Variants in FBXW11 observed in about 807,000 individuals in gnomAD.
FBXW11 encodes F-box/WD repeat-containing protein 11.
In FBXW11, 19 loss-of-function variants were observed where a neutral mutation model predicts 77.6. That is an observed-to-expected ratio of 0.24 (90% CI 0.17 to 0.36). FBXW11 has a LOEUF of 0.36. Ranked by LOEUF, FBXW11 falls within the 10% of genes least tolerant of loss-of-function variation. The pLI, the probability that FBXW11 is intolerant of heterozygous loss-of-function variation, is 1.00. For synonymous variants in FBXW11, 235 were observed against 249.4 expected, an observed-to-expected ratio of 0.94 and a Z score of 0.54; for missense variants, 334 against 704.2, an observed-to-expected ratio of 0.47 and a Z score of 5.95.
chr5:171,922,451 C>G (rs1257941893), intron 2 of FBXW11, among the ~76,000 whole-genome samples: 10 of 152,118 alleles, frequency 6.6e-5, no homozygotes, highest in Non-Finnish European at 1.3e-4. Flanking sequence ...ACTAGAAAGC[C>G]AGAAGTATTC....
chr5:171,982,434 C>A (rs1765200491), intron 1 of FBXW11, among the ~76,000 whole-genome samples: 6 of 152,100 alleles, frequency 3.9e-5, no homozygotes, highest in Admixed American at 3.3e-4. Flanking sequence ...GCACCACCAC[C>A]CAGCTAATTT....
At position 171,869,075 on chromosome 5, in the gene FBXW11, C is replaced by T. The variant is rs1341828761; in HGVS notation, c.1531-279G>A. ...GGCCTTATAAAAGTAAACAACAATA[C>T]ATAATACCCATTCTTGATACACTCT... is the stretch of plus-strand genomic sequence containing the variant. On this transcript the variant is annotated intron_variant, in intron 12 of 13. Coordinates refer to ENST00000517395, the MANE Select transcript of FBXW11 (RefSeq NM_001378974.1). This position sits in a 1 kb window ranked among gnomAD's most constrained non-coding sequence, Gnocchi z 4.1. Among the ~76,000 whole-genome samples, 1 of 152,140 alleles carries T rather than the reference C, an allele frequency of 6.6e-6. No homozygotes were observed. Among genetic ancestry groups the T allele is most frequent in the Non-Finnish European group, 1.5e-5 (1 of 68,016 alleles).
intron 1 of FBXW11, among the ~76,000 whole-genome samples, chr5:171,983,201 C>CA (rs1009523655): frequency 3.3e-5 from 5 of 151,902 alleles, no homozygotes; most frequent in African/African-American, 7.3e-5. Context: ...CAAAACAAAA[C>CA]AAAAAAACCA....
intron 1 of FBXW11, among the ~76,000 whole-genome samples, chr5:171,974,523 A>G (rs1238442686): frequency 2.6e-5 from 4 of 152,052 alleles, no homozygotes; most frequent in South Asian, 2.1e-4. Flanking sequence ...TTAATTGCTT[A>G]TAAGTTTCCC....
rs182906305 is a variant in FBXW11, at chr5:171,906,019, A to G, written c.436+4553T>C. Among the ~76,000 whole-genome samples the G allele has an allele frequency of 2.6e-3, 389 of 152,350 alleles. 2 individuals are homozygous for G. The highest frequency in any genetic ancestry group is 5.8e-3 in the Admixed American group (88 of 15,302). ...CAGATGAAAGTCTGGAAAAACTTCA[A>G]TAATAAATTAAAACAATTAAAAGGC... is the stretch of plus-strand genomic sequence containing the variant. On this transcript the variant is annotated intron_variant, in intron 4 of 13. Coordinates refer to ENST00000517395, the MANE Select transcript of FBXW11 (RefSeq NM_001378974.1).
chr5:171,922,963 A>G (rs839275), intron 2 of FBXW11, among the ~76,000 whole-genome samples: 131,270 of 152,156 alleles, frequency 0.86, 57,874 homozygotes, highest in East Asian at 1. Flanking sequence ...TGCCCAGGCT[A>G]GAGTGCAGTG....
intron 6 of FBXW11, among the ~76,000 whole-genome samples, chr5:171,892,591 C>T (rs1166276012): frequency 1.3e-5 from 2 of 152,222 alleles, no homozygotes; most frequent in African/African-American, 4.8e-5. Context: ...ATTCTAAGTG[C>T]TGCAGGACTT....
intron 2 of FBXW11, among the ~76,000 whole-genome samples, chr5:171,953,907 A>G (rs1408697412): frequency 2.0e-5 from 3 of 152,256 alleles, no homozygotes; most frequent in East Asian, 3.9e-4. Context: ...GGCTCACTAC[A>G]CCTATTAAAA....
chr5:172,001,766 T>C lies in FBXW11; in HGVS notation c.45+4692A>G, dbSNP rs996290125. Among the ~76,000 whole-genome samples the C allele has an allele frequency of 1.5e-4, 23 of 152,340 alleles. 1 individual carries two copies. The highest frequency in any genetic ancestry group is 2.5e-4 in the Non-Finnish European group (17 of 68,024). On this transcript the variant is annotated intron_variant, in intron 1 of 13. Coordinates refer to ENST00000517395, the MANE Select transcript of FBXW11 (RefSeq NM_001378974.1). ...GCACCTATTGTGTTTTATGGGTGGA[T>C]AGGACTTCATTAGCATAAATGAAAG...
intron 2 of FBXW11, chr5:171,916,350 A>G: frequency 1.4e-6 from 1 of 723,272 alleles, no homozygotes; most frequent in Non-Finnish European, 1.7e-6. Context: ...ATGGCCGCCT[A>G]TGGGGAAAAC....
Position 171,867,401 on chromosome 5 carries a change from T to C in FBXW11, c.*25+1209A>G, listed in dbSNP as rs182957772. Among the ~76,000 whole-genome samples the C allele has an allele frequency of 1.6e-4, 24 of 152,130 alleles. No individual in the cohort carries two copies. The East Asian group carries it at 4.6e-3, about 29-fold the overall frequency. On this transcript the variant is annotated intron_variant, in intron 13 of 13. Transcript: ENST00000517395. ...CTGCATGTCATGAAAAAAATTCTTT[T>C]AATTTTTTTAAGCATTTAAAAATGT...
chr5:171,912,974 A>G (rs747330660), intron 3 of FBXW11, among the ~76,000 whole-genome samples: 3 of 152,130 alleles, frequency 2.0e-5, no homozygotes, highest in Non-Finnish European at 4.4e-5. Context: ...CAAGAAACAA[A>G]AGGCAAGATC....
Position 171,863,387 on chromosome 5 carries a change from G to A in FBXW11, c.*740C>T, listed in dbSNP as rs186473647. On this transcript the variant is annotated 3_prime_UTR_variant, in exon 14 of 14. Coordinates refer to ENST00000517395, the MANE Select transcript of FBXW11 (RefSeq NM_001378974.1). ...GCGAATACAGTATTTTAAATTAGGA[G>A]GCAAGCACACGTATAAAGGTGTTAC... 6.6e-6 allele frequency: 1 copy of A among 152,658 alleles called. No homozygotes were observed. Among genetic ancestry groups the A allele is most frequent in the East Asian group, 1.9e-4 (1 of 5,182 alleles). 9.5% of individuals were successfully genotyped at this position (152,658 alleles called of 1,614,324 possible).
At chr5:171,902,069 C>T (rs1423851998) in intron 4 of FBXW11, among the ~76,000 whole-genome samples, 1 of 152,172 alleles carries the variant, frequency 6.6e-6, no homozygotes, top group Non-Finnish European at 1.5e-5. Context: ...CCCAGGGCAC[C>T]CACACTGCGA....
intron 2 of FBXW11, among the ~76,000 whole-genome samples, chr5:171,927,762 C>T (rs1373375634): frequency 6.6e-6 from 1 of 152,194 alleles, no homozygotes; most frequent in Non-Finnish European, 1.5e-5. Flanking sequence ...ACAAACATTA[C>T]ATTTTTTACT....
At chr5:171,877,606 C>T (rs1758181727) in intron 8 of FBXW11, among the ~76,000 whole-genome samples, 5 of 151,940 alleles carry the variant, frequency 3.3e-5, no homozygotes, top group Non-Finnish European at 7.4e-5. Flanking sequence ...AGCAGGGGTA[C>T]GGAAGCACTG....
intron 2 of FBXW11, among the ~76,000 whole-genome samples, chr5:171,950,697 C>T (rs539318575): frequency 2.0e-5 from 3 of 152,028 alleles, no homozygotes; most frequent in Non-Finnish European, 2.9e-5. Context: ...AACAGCCTGG[C>T]CAACGTGGCA....
At chr5:171,940,591 T>A (rs1388748982) in intron 2 of FBXW11, among the ~76,000 whole-genome samples, 4 of 151,962 alleles carry the variant, frequency 2.6e-5, no homozygotes, top group Admixed American at 2.0e-4. Context: ...TGAGAACAGA[T>A]CAAAAGGATA....
At chr5:171,885,591 A>G (rs1758825713) in intron 7 of FBXW11, among the ~76,000 whole-genome samples, 1 of 152,202 alleles carries the variant, frequency 6.6e-6, no homozygotes, top group Non-Finnish European at 1.5e-5. Flanking sequence ...TGTCAGGACA[A>G]GTAGCAACTT....
Sources: gnomAD v4.1 joint callset for allele counts (sites outside exome capture counted in the v4.1 genomes callset) on GRCh38, gnomAD v4.1.1 for gene constraint, Gnocchi (gnomAD v3.1) non-coding constraint, MANE v1.5 for transcripts, NCBI Gene and HGNC (gene_info 2026-07-23, HGNC 2026-07-21) for gene names.